Variants in SNRPN observed in about 807,000 individuals in gnomAD.
SNRPN encodes small nuclear ribonucleoprotein-associated protein N.
A neutral mutation model predicts 25.2 loss-of-function variants in SNRPN; 7 were observed. The observed-to-expected ratio is 0.28, with a 90% CI of 0.16 to 0.52. The LOEUF (loss-of-function observed/expected upper bound fraction) is 0.52, where lower values mean the gene tolerates loss of function less well. Among genes scored for constraint, SNRPN ranks in the 20% least tolerant of loss-of-function variants. The pLI, the probability that SNRPN is intolerant of heterozygous loss-of-function variation, is 0.96. For synonymous variants in SNRPN, 124 were observed against 110.6 expected, an observed-to-expected ratio of 1.12 and a Z score of -0.76; for missense variants, 196 against 322.5, an observed-to-expected ratio of 0.61 and a Z score of 3.00.
At chr15:24,938,085 A>C (rs1165334867) in intron 3 of SNRPN, among the ~76,000 whole-genome samples, 1 of 149,658 alleles carries the variant, frequency 6.7e-6, no homozygotes, top group Non-Finnish European at 1.5e-5. Flanking sequence ...GGGTGTGCAG[A>C]TACCTCTTTG....
At chr15:24,909,621 G>A (rs773266566) in intron 2 of SNRPN, 3 of 1,211,804 alleles carry the variant, frequency 2.5e-6, no homozygotes, top group Non-Finnish European at 3.6e-6. Context: ...CCCTCTATAT[G>A]GGCATAAGCA....
chr15:24,832,480 C>T (rs1457118503), intron 2 of SNRPN, among the ~76,000 whole-genome samples: 3 of 151,958 alleles, frequency 2.0e-5, no homozygotes, highest in Non-Finnish European at 4.4e-5. Flanking sequence ...TAAAATGCAC[C>T]AGTCAGCAGG....
At chr15:24,953,449 G>A (rs1049612058), upstream of SNRPN, among the ~76,000 whole-genome samples, 5 of 152,032 alleles carry the variant, frequency 3.3e-5, no homozygotes, top group South Asian at 2.1e-4. Flanking sequence ...TCAGCCTCCC[G>A]AGTAGCTAAG....
intron 2 of SNRPN, among the ~76,000 whole-genome samples, chr15:24,911,803 CCA>C (rs1020572453): frequency 1.3e-5 from 2 of 152,222 alleles, no homozygotes; most frequent in African/African-American, 4.8e-5. Context: ...GTTGGGGCCA[CCA>C]CAGAGTGCCC....
chr15:24,832,881 C>T (rs4586407), intron 2 of SNRPN, among the ~76,000 whole-genome samples: 8 of 151,664 alleles, frequency 5.3e-5, no homozygotes, highest in African/African-American at 7.3e-5. Context: ...CCGAGGCGGG[C>T]GGACCACGAG....
intron 2 of SNRPN, among the ~76,000 whole-genome samples, chr15:24,834,240 A>G (rs2050815245): frequency 6.6e-6 from 1 of 151,986 alleles, no homozygotes; most frequent in African/African-American, 2.4e-5. Context: ...TGCCCATCCC[A>G]TTATATTTCT....
At chr15:24,836,129 C>A (rs1226767530) in intron 2 of SNRPN, among the ~76,000 whole-genome samples, 1 of 152,096 alleles carries the variant, frequency 6.6e-6, no homozygotes, top group Non-Finnish European at 1.5e-5. Context: ...CACCTTCTCT[C>A]TGTGCTCTCA....
At chr15:24,914,739 G>C (rs1341875717) in intron 2 of SNRPN, among the ~76,000 whole-genome samples, 1 of 151,872 alleles carries the variant, frequency 6.6e-6, no homozygotes, top group East Asian at 1.9e-4. Flanking sequence ...GACCAAAAAT[G>C]AATAACTGAA....
Position 24,918,959 on chromosome 15 carries a change from A to ATG in SNRPN, c.-504-1051_-504-1050dup, listed in dbSNP as rs1595899001. Reference sequence around the variant, plus strand: ...CGCACATATATATAACATAATATATATGCGCGCATATATATATAACATAAT... The same window carrying ATG: ...CGCACATATATATAACATAATATATATGTGCGCGCATATATATATAACATAAT... On this transcript the variant is annotated intron_variant, in intron 2 of 11. Transcript: ENST00000400097. Among the ~76,000 whole-genome samples the ATG allele has an allele frequency of 8.9e-5, 7 of 78,972 alleles. 3 individuals carry two copies. Among genetic ancestry groups the ATG allele is most frequent in the Non-Finnish European group, 1.3e-4 (5 of 37,198 alleles). 51.8% of individuals were successfully genotyped at this position (78,972 alleles called of 152,430 possible). A position where few individuals can be genotyped will look rare whatever the true frequency, so the allele number is the denominator to read the frequency against.
intron 3 of SNRPN, among the ~76,000 whole-genome samples, chr15:24,923,923 ATTTTTTTTTTTT>A (rs34575205): frequency 7.8e-5 from 7 of 89,908 alleles, no homozygotes; most frequent in African/African-American, 2.8e-4. Context: ...GTATATAAAC[ATTTTTTTTTTTT>A]TTTTTTTTTT....
chr15:24,974,862 C>T (rs2076885360), intron 4 of SNRPN: 1 of 698,836 alleles, frequency 1.4e-6, no homozygotes, highest in Non-Finnish European at 2.6e-6. Flanking sequence ...CTGTGCCTGG[C>T]CATGAGAAAT....
At chr15:24,855,307 C>G (rs2053285299), upstream of SNRPN, among the ~76,000 whole-genome samples, 1 of 152,130 alleles carries the variant, frequency 6.6e-6, no homozygotes. Flanking sequence ...ATTTCATCCT[C>G]ACAGCATCTC....
chr15:24,863,378 G>A (rs58646162), intron 1 of SNRPN, among the ~76,000 whole-genome samples: 12,839 of 150,318 alleles, frequency 0.085, 2,520 homozygotes, highest in African/African-American at 0.31. Flanking sequence ...AGGTTGGCAG[G>A]GGGCTGCAGA....
intron 1 of SNRPN, among the ~76,000 whole-genome samples, chr15:24,827,371 C>G (rs926939123): frequency 1.3e-5 from 2 of 151,202 alleles, no homozygotes; most frequent in Non-Finnish European, 2.9e-5. Context: ...AAAAGTTAGT[C>G]GGGTGCGGTG....
In SNRPN at chr15:24,976,321, C is replaced by T; in HGVS notation, c.172C>T (p.Gln58Ter). ...GATTTGTAGGCCAAAGAATGCGAAG[C>T]AACCAGAGCGTGAAGAAAAGCGGGT... ...FRKIKPKNAK[Q>*]PEREEKRVLG... Residue 58 changes from glutamine (Q) to a stop codon, truncating the protein, a stop_gained, in exon 6 of 10, where the codon CAA (glutamine) becomes TAA (stop). Transcript: ENST00000390687. LOFTEE classifies it high-confidence loss of function. The T allele has an allele frequency of 6.2e-7, 1 of 1,613,604 alleles. No individual in the cohort carries two copies. The highest frequency in any genetic ancestry group is 1.3e-5 in the African/African-American group (1 of 75,030).
At chr15:24,892,367 A>T (rs2057746600) in intron 2 of SNRPN, among the ~76,000 whole-genome samples, 1 of 152,148 alleles carries the variant, frequency 6.6e-6, no homozygotes, top group South Asian at 2.1e-4. Context: ...TGAATGGAAG[A>T]TTGAAAGTGG....
chr15:24,888,565 G>A (rs2057386330), intron 2 of SNRPN, among the ~76,000 whole-genome samples: 1 of 152,134 alleles, frequency 6.6e-6, no homozygotes, highest in Admixed American at 6.5e-5. Flanking sequence ...ATTATCAGAT[G>A]TTTGTCACAT....
chr15:24,827,970 A>T (rs2050223456), intron 1 of SNRPN, among the ~76,000 whole-genome samples: 2 of 152,052 alleles, frequency 1.3e-5, no homozygotes, highest in African/African-American at 4.8e-5. Context: ...GGGACCAGCA[A>T]CGTGCATATT....
chr15:24,972,928 C>T (rs2076610278), intron 3 of SNRPN, among the ~76,000 whole-genome samples: 1 of 152,136 alleles, frequency 6.6e-6, no homozygotes, highest in Admixed American at 6.5e-5. Flanking sequence ...TGCTCTGTTG[C>T]CCAGGCTGGA....
Sources: gnomAD v4.1 joint callset for allele counts (sites outside exome capture counted in the v4.1 genomes callset) on GRCh38, gnomAD v4.1.1 for gene constraint, MANE v1.5 for transcripts, NCBI Gene and HGNC (gene_info 2026-07-23, HGNC 2026-07-21) for gene names.